The following FTO variants were observed in gnomAD, a reference collection of about 807,000 sequenced individuals.
FTO encodes the protein FTO alpha-ketoglutarate dependent dioxygenase.
In FTO, 47 loss-of-function variants were observed where a neutral mutation model predicts 63.9. The observed-to-expected ratio is 0.74, with a 90% CI of 0.58 to 0.94. The LOEUF is 0.94. Among genes scored for constraint, FTO ranks in the 40% least tolerant of loss-of-function variants. FTO has a pLI of 0.00. For missense variants in FTO, 562 were observed against 618.1 expected (o/e 0.91, Z 0.96); for synonymous variants, 207 against 224.4 (o/e 0.92, Z 0.69).
At chr16:53,781,828 G>C (rs1377021238) in intron 1 of FTO, among the ~76,000 whole-genome samples, 1 of 152,120 alleles carries the variant, frequency 6.6e-6, no homozygotes, top group Non-Finnish European at 1.5e-5. Context: ...TTATAAGTGA[G>C]CATAGCACAG....
chr16:53,806,116 A>G (rs1324594207), intron 1 of FTO, among the ~76,000 whole-genome samples: 4 of 152,326 alleles, frequency 2.6e-5, no homozygotes, highest in Non-Finnish European at 5.9e-5. Flanking sequence ...ATTTGACACA[A>G]AGAAAATTGT....
rs967567677 is a variant in FTO at position 54,118,513 on chromosome 16, C to G, written c.*6598C>G. The G allele has an allele frequency of 1.3e-5, 2 of 152,094 alleles. No individual in the cohort carries two copies. Among genetic ancestry groups the G allele is most frequent in the Non-Finnish European group, 2.9e-5 (2 of 68,044 alleles). The allele number at this position is 152,094 out of a possible 1,614,324, so 9.4% of individuals were successfully genotyped here. ...TAGTCGGGATCATAGGCACTTGCCACCACATCCGGCTAATTTTTTTGTAGA... is the reference window on the plus strand; with the variant it reads ...TAGTCGGGATCATAGGCACTTGCCAGCACATCCGGCTAATTTTTTTGTAGA... On this transcript the variant is annotated 3_prime_UTR_variant, in exon 9 of 9. Coordinates refer to ENST00000471389, the MANE Select transcript of FTO (RefSeq NM_001080432.3).
At chr16:53,858,240 T>C (rs2080066652) in intron 4 of FTO, among the ~76,000 whole-genome samples, 1 of 152,220 alleles carries the variant, frequency 6.6e-6, no homozygotes, top group Non-Finnish European at 1.5e-5. Flanking sequence ...TTGGAATCCA[T>C]CTTAAACTGA....
chr16:54,081,153 G>A (rs1391852090), intron 8 of FTO, among the ~76,000 whole-genome samples: 1 of 152,012 alleles, frequency 6.6e-6, no homozygotes, highest in Non-Finnish European at 1.5e-5. Context: ...CTTGTCCCCA[G>A]GTATGGCAAG....
intron 1 of FTO, among the ~76,000 whole-genome samples, chr16:53,753,962 C>G (rs996250259): frequency 6.6e-6 from 1 of 152,216 alleles, no homozygotes; most frequent in African/African-American, 2.4e-5. Flanking sequence ...TTAGATGGCA[C>G]TTTGCTTTAT....
intron 4 of FTO, among the ~76,000 whole-genome samples, chr16:53,854,614 C>T (rs1336344440): frequency 6.6e-6 from 1 of 152,054 alleles, no homozygotes; most frequent in Non-Finnish European, 1.5e-5. Context: ...TTATTTATGG[C>T]TTCTCCATTT....
At chr16:53,728,718 C>G (rs1447311578) in intron 1 of FTO, among the ~76,000 whole-genome samples, 1 of 151,580 alleles carries the variant, frequency 6.6e-6, no homozygotes, top group Non-Finnish European at 1.5e-5. Context: ...AGGAGAGGGC[C>G]CTGGGAAGAT....
intron 7 of FTO, among the ~76,000 whole-genome samples, chr16:53,920,737 G>A (rs1004856786): frequency 2.0e-5 from 3 of 152,114 alleles, no homozygotes; most frequent in African/African-American, 7.2e-5. Context: ...CTTGATATAT[G>A]GTGATTGCTG....
At chr16:53,844,586 A>G (rs991890723) in intron 4 of FTO, among the ~76,000 whole-genome samples, 3 of 151,974 alleles carry the variant, frequency 2.0e-5, no homozygotes, top group South Asian at 2.1e-4. Context: ...CAGCCTCCCA[A>G]GTAGCTGGGA....
At chr16:53,930,441 T>C (rs1354180548) in intron 7 of FTO, among the ~76,000 whole-genome samples, 1 of 151,922 alleles carries the variant, frequency 6.6e-6, no homozygotes, top group East Asian at 1.9e-4. Flanking sequence ...GCCAGGATGG[T>C]CTCGATCTCC....
chr16:54,002,013 T>C (rs2084080125), intron 8 of FTO, among the ~76,000 whole-genome samples: 1 of 152,216 alleles, frequency 6.6e-6, no homozygotes. Flanking sequence ...GTACAGCAGC[T>C]TTCTACTTGA....
At chr16:53,729,761 T>C (rs527636866) in intron 1 of FTO, among the ~76,000 whole-genome samples, 1 of 152,082 alleles carries the variant, frequency 6.6e-6, no homozygotes, top group African/African-American at 2.4e-5. Context: ...TTCTAGACTC[T>C]TCTCCTCCCT....
At chr16:53,954,020 C>G (rs926914720) in intron 8 of FTO, among the ~76,000 whole-genome samples, 21 of 152,334 alleles carry the variant, frequency 1.4e-4, no homozygotes, top group African/African-American at 5.1e-4. Flanking sequence ...TAGCTTCAAA[C>G]TTAATGACGA....
intron 2 of FTO, among the ~76,000 whole-genome samples, chr16:53,820,102 G>C (rs967155995): frequency 1.3e-5 from 2 of 149,298 alleles, no homozygotes; most frequent in Non-Finnish European, 3.0e-5. Flanking sequence ...TCTACCTCCC[G>C]GGTTCAGGTG....
rs183480990 is a variant in FTO at position 54,082,233 on chromosome 16, A to G, written c.1365-29529A>G. On this transcript the variant is annotated intron_variant, in intron 8 of 8. Coordinates refer to ENST00000471389, the MANE Select transcript of FTO (RefSeq NM_001080432.3). ...CTCTCCAAACTTTCCAGTTCCCTCC[A>G]ATAAACCTGTAGAAAGCAGACCACC... is the stretch of plus-strand genomic sequence containing the variant. Among the ~76,000 whole-genome samples, 673 of 152,308 alleles carry G rather than the reference A, an allele frequency of 4.4e-3. 13 individuals carry two copies. The highest frequency in any genetic ancestry group is 0.032 in the Admixed American group (492 of 15,300).
Position 54,111,842 on chromosome 16 carries a change from C to CGATGCCTCTGCCGTTT in FTO, c.1448_1463dup (p.Leu489AlafsTer5), listed in dbSNP as rs2086896805. 1 of 1,614,120 alleles carries CGATGCCTCTGCCGTTT rather than the reference C, an allele frequency of 6.2e-7. No individual in the cohort carries two copies. On this transcript the variant is annotated frameshift_variant, in exon 9 of 9. Coordinates refer to ENST00000471389, the MANE Select transcript of FTO (RefSeq NM_001080432.3). LOFTEE classifies it high-confidence loss of function. ...CCATACTGGGAAAAGGATGATGCTT[C>CGATGCCTCTGCCGTTT]GATGCCTCTGCCGTTTGACCTCACA... is the stretch of plus-strand genomic sequence containing the variant.
chr16:54,105,662 A>G (rs1437763400), intron 8 of FTO, among the ~76,000 whole-genome samples: 1 of 152,136 alleles, frequency 6.6e-6, no homozygotes, highest in Non-Finnish European at 1.5e-5. Context: ...TGTTATTTTA[A>G]TTAGGAGTTG....
Position 53,734,698 on chromosome 16 carries a change from T to C in FTO, c.45+30469T>C, listed in dbSNP as rs376895470. Among the ~76,000 whole-genome samples, 7 of 152,260 alleles carry C rather than the reference T, an allele frequency of 4.6e-5. No individual in the cohort carries two copies. In the East Asian group the frequency reaches 9.6e-4, roughly 21 times the overall value. Reference sequence around the variant, plus strand: ...ATGATACAGTCAAATGCAGGTACTTTCCAGTTTTCTGCTCTGCCATTCTTC... The same window carrying C: ...ATGATACAGTCAAATGCAGGTACTTCCCAGTTTTCTGCTCTGCCATTCTTC... On this transcript the variant is annotated intron_variant, in intron 1 of 8. Transcript: ENST00000471389.
intron 1 of FTO, among the ~76,000 whole-genome samples, chr16:53,745,357 A>G (rs1263917013): frequency 6.6e-6 from 1 of 152,148 alleles, no homozygotes; most frequent in African/African-American, 2.4e-5. Context: ...TACCCACTCC[A>G]CATACCTTCT....
Sources: gnomAD v4.1 joint callset for allele counts (sites outside exome capture counted in the v4.1 genomes callset) on GRCh38, gnomAD v4.1.1 for gene constraint, MANE v1.5 for transcripts, NCBI Gene and HGNC (gene_info 2026-07-23, HGNC 2026-07-21) for gene names.